STRADA: variants seen among roughly 807,000 people sequenced by gnomAD.
The protein encoded by STRADA is STE20 related adaptor alpha, also known as STE20-related kinase adapter protein alpha.
In STRADA, 26 loss-of-function variants were observed where a neutral mutation model predicts 55.0. The ratio of observed to expected loss-of-function variants is 0.47; its 90% confidence interval spans 0.35 to 0.66. The LOEUF (loss-of-function observed/expected upper bound fraction) is 0.66, where lower values mean the gene tolerates loss of function less well. Ranked by LOEUF, STRADA falls within the 30% of genes least tolerant of loss-of-function variation. STRADA has a pLI of 0.01. For missense variants in STRADA, 443 were observed against 549.7 expected (o/e 0.81, Z 1.94); for synonymous variants, 197 against 210.9 (o/e 0.93, Z 0.57).
chr17:63,713,452 C>T lies in STRADA; in HGVS notation c.302G>A (p.Arg101Lys), dbSNP rs769255504. Residue 101 changes from arginine to lysine, a missense_variant, in exon 6 of 13, where the codon AGG becomes AAG. Coordinates refer to ENST00000336174, the MANE Select transcript of STRADA (RefSeq NM_001003787.4). ...KPTGEYVTVRRINLEACSNEM... is the reference protein window; with the variant it reads ...KPTGEYVTVRKINLEACSNEM... ...ATTGGAACAAGCTTCTAGGTTAATC[C>T]TCCGTACAGTCACGTACTCTCCTGT... is the stretch of plus-strand genomic sequence containing the variant. 1 of 1,614,160 alleles carries T rather than the reference C, an allele frequency of 6.2e-7. No homozygotes were observed. The highest frequency in any genetic ancestry group is 8.5e-7 in the Non-Finnish European group (1 of 1,180,014).
At chr17:63,741,815 GAC>G (rs2038976517), upstream of STRADA, 1 of 153,336 alleles carries the variant, frequency 6.5e-6, no homozygotes, top group East Asian at 1.9e-4. Context: ...GCCGCCGCCA[GAC>G]CGGTTGCTGG....
intron 4 of STRADA, among the ~76,000 whole-genome samples, chr17:63,719,764 G>A (rs1598208835): frequency 1.3e-5 from 2 of 152,254 alleles, no homozygotes; most frequent in South Asian, 4.1e-4. Flanking sequence ...GGTTACAGGC[G>A]TGAGCCATGG....
chr17:63,716,120 G>A (rs1462000647), intron 4 of STRADA, among the ~76,000 whole-genome samples: 2 of 144,624 alleles, frequency 1.4e-5, no homozygotes, highest in African/African-American at 2.6e-5. Context: ...TTTTTTAGAC[G>A]GAGTCTCACT....
chr17:63,705,027 G>A (rs2035989146), intron 10 of STRADA: 1 of 1,007,732 alleles, frequency 9.9e-7, no homozygotes, highest in Non-Finnish European at 1.5e-6. Context: ...GGCTGTCGCT[G>A]CAGCAGGCCA....
chr17:63,704,693 A>T, intron 10 of STRADA, 111 bp from the exon 11 acceptor site: 1 of 1,504,690 alleles, frequency 6.6e-7, no homozygotes, highest in Admixed American at 2.1e-5. Flanking sequence ...TGCAAATGTG[A>T]TCATTTGAAG....
chr17:63,732,842 A>C (rs2038165308), intron 1 of STRADA, among the ~76,000 whole-genome samples: 1 of 152,152 alleles, frequency 6.6e-6, no homozygotes, highest in Non-Finnish European at 1.5e-5. Flanking sequence ...TTGGCCTCCC[A>C]AAGTGGTGAG....
At chr17:63,706,869 G>A in intron 9 of STRADA, 130 bp from the exon 10 acceptor site, 1 of 700,882 alleles carries the variant, frequency 1.4e-6, no homozygotes. Context: ...CTCCTTGCCT[G>A]TGCTACTGAA....
rs200912169 is a variant in STRADA, at chr17:63,706,726, T to A, written c.767A>T (p.Tyr256Phe). 1 of 1,613,756 alleles carries A rather than the reference T, an allele frequency of 6.2e-7. No individual in the cohort carries two copies. Among genetic ancestry groups the A allele is most frequent in the African/African-American group, 1.3e-5 (1 of 75,042 alleles). Residue 256 changes from tyrosine to phenylalanine, a missense_variant, in exon 10 of 13, where the codon TAT becomes TTT. Coordinates refer to ENST00000336174, the MANE Select transcript of STRADA (RefSeq NM_001003787.4). ...ACTGTAGATGTCAGACTTGGCATCA[T>A]AACCCTGGAGATTCTAAGCCAGAAA... Reference protein sequence around the residue: ...PEVLQQNLQGYDAKSDIYSVG... With the variant: ...PEVLQQNLQGFDAKSDIYSVG...
chr17:63,741,504 C>CT (rs1210473159), intron 1 of STRADA: 1 of 153,828 alleles, frequency 6.5e-6, no homozygotes, highest in Non-Finnish European at 1.4e-5. Flanking sequence ...GCCCGCCTCT[C>CT]TCGCCCGGCA....
chr17:63,703,276 C>G lies in STRADA; in HGVS notation c.*323G>C, dbSNP rs2035842681. ...GGTCCTCGGGTTTAAGGAGCCAAAC[C>G]CTGGGCTTGGAATTCAGCTCCCAGG... On this transcript the variant is annotated 3_prime_UTR_variant, in exon 13 of 13. Coordinates refer to ENST00000336174, the MANE Select transcript of STRADA (RefSeq NM_001003787.4). 4.1e-6 allele frequency: 1 copy of G among 246,666 alleles called. No homozygotes were observed. Among genetic ancestry groups the G allele is most frequent in the South Asian group, 6.5e-5 (1 of 15,464 alleles). The allele number at this position is 246,666 out of a possible 1,614,324, so 15.3% of individuals were successfully genotyped here. A position where few individuals can be genotyped will look rare whatever the true frequency, so the allele number is the denominator to read the frequency against.
At chr17:63,731,256 C>CTTTTTT (rs60777564) in intron 1 of STRADA, among the ~76,000 whole-genome samples, 2 of 78,044 alleles carry the variant, frequency 2.6e-5, no homozygotes, top group Non-Finnish European at 4.3e-5. Flanking sequence ...ATATTCTTTC[C>CTTTTTT]TTTTTTTTTT....
intron 1 of STRADA, among the ~76,000 whole-genome samples, chr17:63,739,994 C>T (rs1267534281): frequency 1.4e-5 from 2 of 145,988 alleles, no homozygotes; most frequent in East Asian, 4.0e-4. Flanking sequence ...TTTCAAACTC[C>T]GGAGCTCAAG....
At chr17:63,739,467 C>T (rs1341250654) in intron 1 of STRADA, among the ~76,000 whole-genome samples, 1 of 152,108 alleles carries the variant, frequency 6.6e-6, no homozygotes, top group East Asian at 1.9e-4. Flanking sequence ...GCTAGGATTA[C>T]ACCATGCCCG....
At chr17:63,726,441 A>C in intron 3 of STRADA, 197 bp downstream of exon 3, 1 of 532,796 alleles carries the variant, frequency 1.9e-6, no homozygotes, top group Non-Finnish European at 3.3e-6. Flanking sequence ...CTAACAATCA[A>C]GACAGGCCAA....
chr17:63,716,057 G>A (rs1273847180), intron 4 of STRADA, among the ~76,000 whole-genome samples: 1 of 151,140 alleles, frequency 6.6e-6, no homozygotes, highest in Non-Finnish European at 1.5e-5. Context: ...TTTCCAAAAT[G>A]GTTATACCAA....
intron 1 of STRADA, among the ~76,000 whole-genome samples, chr17:63,733,854 A>G (rs539785619): frequency 6.6e-6 from 1 of 152,318 alleles, no homozygotes; most frequent in South Asian, 2.1e-4. Flanking sequence ...CATTTCACAC[A>G]TGCTACCACA....
chr17:63,707,637 G>T, intron 8 of STRADA: 1 of 496,912 alleles, frequency 2.0e-6, no homozygotes, highest in South Asian at 2.6e-5. Flanking sequence ...TAGGCTCACT[G>T]CAACCTCTGC....
intron 6 of STRADA, among the ~76,000 whole-genome samples, chr17:63,711,160 C>T (rs940210304): frequency 6.6e-6 from 1 of 152,150 alleles, no homozygotes; most frequent in Non-Finnish European, 1.5e-5. Context: ...CAAGGGCCAA[C>T]GTATAGAATT....
intron 8 of STRADA, among the ~76,000 whole-genome samples, chr17:63,708,755 G>A (rs1391894568): frequency 6.6e-6 from 1 of 152,088 alleles, no homozygotes; most frequent in East Asian, 1.9e-4. Flanking sequence ...GGCTGGTCTC[G>A]AACTCCTGAC....
Sources: gnomAD v4.1 joint callset for allele counts (sites outside exome capture counted in the v4.1 genomes callset) on GRCh38, gnomAD v4.1.1 for gene constraint, MANE v1.5 for transcripts, NCBI Gene and HGNC (gene_info 2026-07-23, HGNC 2026-07-21) for gene names.